OSTM1: variants seen among roughly 807,000 people sequenced by gnomAD.
OSTM1 encodes the protein osteoclastogenesis associated transmembrane protein 1.
Under a neutral mutation model 35.4 loss-of-function variants are expected in OSTM1, and 26 were observed. The observed-to-expected ratio is 0.73, with a 90% CI of 0.54 to 1.02. The LOEUF is 1.02. Among genes scored for constraint, OSTM1 ranks in the 50% least tolerant of loss-of-function variants. The pLI is 0.00. For missense variants in OSTM1, 366 were observed against 409.6 expected, an observed-to-expected ratio of 0.89 and a Z score of 0.92; for synonymous variants, 181 against 165.0, an observed-to-expected ratio of 1.10 and a Z score of -0.75.
At position 108,049,357 on chromosome 6, in the gene OSTM1, G is replaced by A; in HGVS notation, c.845C>T (p.Thr282Ile). The stretch of plus-strand genomic sequence containing the variant: ...CACAGAAACAGCAATTACAGGCACT[G>A]TGTCACTGCAAGGGACTGAACAGTT... ...TFNCSVPCSD[T>I]VPVIAVSVFI... The change falls in exon 5 of 6, where the codon ACA becomes ATA. Residue 282 changes from threonine (T) to isoleucine (I), a missense_variant. Physicochemically the swap from Thr to Ile is moderately conservative, Grantham distance 89. This residue lies in a region of OSTM1 where 125 missense variants were observed against 151.7 expected (regional missense o/e 0.82). Coordinates refer to ENST00000193322, the MANE Select transcript of OSTM1 (RefSeq NM_014028.4). The A allele has an allele frequency of 6.2e-7, 1 of 1,613,204 alleles. No homozygotes were observed. Among genetic ancestry groups the A allele is most frequent in the Non-Finnish European group, 8.5e-7 (1 of 1,179,174 alleles).
chr6:108,070,876 G>A (rs556458744), intron 1 of OSTM1, among the ~76,000 whole-genome samples: 1 of 137,884 alleles, frequency 7.3e-6, no homozygotes, highest in East Asian at 2.3e-4. Flanking sequence ...GGTAACAAGA[G>A]GGAAACTCCG....
At position 108,053,814 on chromosome 6, in the gene OSTM1, T is replaced by C. The variant is rs116503550; in HGVS notation, c.615+676A>G. 1.5e-3 allele frequency among the ~76,000 whole-genome samples: 225 copies of C among 152,326 alleles called. 1 individual carries two copies. Among genetic ancestry groups the C allele is most frequent in the African/African-American group, 5.2e-3 (216 of 41,564 alleles). On this transcript the variant is annotated intron_variant, in intron 3 of 5. Transcript: ENST00000193322. ...ATTCATAATTCAGTGTTACCACATT[T>C]ATTACAGAAGAAATCATACATGCTT... is the stretch of plus-strand genomic sequence containing the variant.
intron 2 of OSTM1, among the ~76,000 whole-genome samples, chr6:108,057,269 G>A (rs1196951306): frequency 1.3e-5 from 2 of 152,138 alleles, no homozygotes; most frequent in African/African-American, 4.8e-5. Flanking sequence ...TCATGAAGTA[G>A]CCCGCAATCC....
chr6:108,072,005 A>T (rs1772494181), intron 1 of OSTM1, among the ~76,000 whole-genome samples: 1 of 152,106 alleles, frequency 6.6e-6, no homozygotes, highest in South Asian at 2.1e-4. Flanking sequence ...TGCACCCTAG[A>T]GTTTGAGGTG....
At position 108,044,454 on chromosome 6, in the gene OSTM1, T is replaced by C. The variant is rs9320250; in HGVS notation, c.*331A>G. 0.4 allele frequency: 71,243 copies of C among 178,348 alleles called. 16,136 individuals carry two copies. Among genetic ancestry groups the C allele is most frequent in the African/African-American group, 0.6 (25,483 of 42,434 alleles). The allele number at this position is 178,348 out of a possible 1,614,324, so 11.0% of individuals were successfully genotyped here. A position where few individuals can be genotyped will look rare whatever the true frequency, so the allele number is the denominator to read the frequency against. ...TTCAAAAACTTTTCTACTTGAGATA[T>C]TTATGTTAGTAAGAAGATACCAGAA... On this transcript the variant is annotated 3_prime_UTR_variant, in exon 6 of 6. Transcript: ENST00000193322.
rs1197992270 is a variant in OSTM1 at position 108,074,544 on chromosome 6, G to A, written c.108C>T (p.Gly36=). ...SGLALGALPF[G]SSPHRVFHDL... ...CGTGGAAGACCCTGTGCGGACTGCTGCCGAAGGGGAGCGCGCCCAGGGCCA... is the reference window on the plus strand; with the variant it reads ...CGTGGAAGACCCTGTGCGGACTGCTACCGAAGGGGAGCGCGCCCAGGGCCA... The change falls in exon 1 of 6, where the codon GGC becomes GGT. Residue 36 remains glycine (G), a synonymous_variant. Coordinates refer to ENST00000193322, the MANE Select transcript of OSTM1 (RefSeq NM_014028.4). 3 of 1,556,760 alleles carry A rather than the reference G, an allele frequency of 1.9e-6. No homozygotes were observed. The highest frequency in any genetic ancestry group is 2.6e-6 in the Non-Finnish European group (3 of 1,152,256).
chr6:108,051,212 G>C lies in OSTM1; in HGVS notation c.616-14C>G. The C allele has an allele frequency of 6.3e-7, 1 of 1,583,826 alleles. No individual in the cohort carries two copies. Among genetic ancestry groups the C allele is most frequent in the Non-Finnish European group, 8.7e-7 (1 of 1,153,202 alleles). ...ATGTGCATTCCCCTAAAATGACAAA[G>C]GCACATGTAATATATACAATAAACA... On this transcript the variant is annotated splice_polypyrimidine_tract_variant and intron_variant, in intron 3 of 5. Coordinates refer to ENST00000193322, the MANE Select transcript of OSTM1 (RefSeq NM_014028.4).
chr6:108,050,075 C>T (rs576523503), intron 4 of OSTM1, among the ~76,000 whole-genome samples: 1 of 152,042 alleles, frequency 6.6e-6, no homozygotes, highest in South Asian at 2.1e-4. Flanking sequence ...TAAAGGCAGG[C>T]TATAAAATGG....
chr6:108,074,686 G>C lies in OSTM1; in HGVS notation c.-35C>G. ...CACACACCCCAGGGAGCCCACCGCC[G>C]CCTCTCCGCCCCCAGCCGGCACCGC... On this transcript the variant is annotated 5_prime_UTR_variant, in exon 1 of 6. Coordinates refer to ENST00000193322, the MANE Select transcript of OSTM1 (RefSeq NM_014028.4). 3 of 1,502,000 alleles carry C rather than the reference G, an allele frequency of 2.0e-6. No homozygotes were observed. The highest frequency in any genetic ancestry group is 2.7e-6 in the Non-Finnish European group (3 of 1,131,344). The allele number at this position is 1,502,000 out of a possible 1,614,324, so 93.0% of individuals were successfully genotyped here.
intron 1 of OSTM1, among the ~76,000 whole-genome samples, chr6:108,067,553 C>T (rs566602899): frequency 5.5e-4 from 81 of 146,832 alleles, no homozygotes; most frequent in Admixed American, 1.7e-3. Context: ...GAAAGTCAGC[C>T]TGGCACCGTG....
intron 2 of OSTM1, among the ~76,000 whole-genome samples, chr6:108,056,052 G>A (rs1045344029): frequency 3.3e-5 from 5 of 152,142 alleles, no homozygotes; most frequent in Non-Finnish European, 7.3e-5. Context: ...AAAGAGAGAC[G>A]GACTAGGTAG....
At chr6:108,044,903 AT>A in intron 5 of OSTM1, 63 bp from the exon 6 acceptor site, 1 of 823,218 alleles carries the variant, frequency 1.2e-6, no homozygotes. Context: ...ATTATTTACT[AT>A]TTTTATGTAA....
rs1771907046 is a variant in OSTM1 at position 108,043,439 on chromosome 6, A to G, written c.*1346T>C. 1 of 152,226 alleles carries G rather than the reference A, an allele frequency of 6.6e-6. No individual in the cohort carries two copies. The highest frequency in any genetic ancestry group is 2.1e-4 in the South Asian group (1 of 4,834). The allele number at this position is 152,226 out of a possible 1,614,324, so 9.4% of individuals were successfully genotyped here. ...GAAACACTTTGTCTCCCTATAGAGC[A>G]TTTTATAGTATAGGAAGGGATTCAA... is the stretch of plus-strand genomic sequence containing the variant. On this transcript the variant is annotated 3_prime_UTR_variant, in exon 6 of 6. Transcript: ENST00000193322.
intron 2 of OSTM1, among the ~76,000 whole-genome samples, chr6:108,059,570 T>C (rs998234814): frequency 3.3e-5 from 5 of 152,180 alleles, no homozygotes; most frequent in African/African-American, 1.2e-4. Flanking sequence ...AGAAAGATAG[T>C]TTTGGGCAGT....
At position 108,041,497 on chromosome 6, in the gene OSTM1, T is replaced by C. The variant is rs1434984824; in HGVS notation, c.*3288A>G. On this transcript the variant is annotated 3_prime_UTR_variant, in exon 6 of 6. Coordinates refer to ENST00000193322, the MANE Select transcript of OSTM1 (RefSeq NM_014028.4). ...TTACATGTATGACTAATATTTATTA[T>C]AGCTAATATAATAGTTTAGAACAAG... 6.6e-6 allele frequency: 1 copy of C among 152,220 alleles called. No individual in the cohort carries two copies. The highest frequency in any genetic ancestry group is 2.4e-5 in the African/African-American group (1 of 41,450). The allele number at this position is 152,220 out of a possible 1,614,324, so 9.4% of individuals were successfully genotyped here.
At chr6:108,062,535 C>CTTTTTT (rs780041339) in intron 2 of OSTM1, among the ~76,000 whole-genome samples, 234 of 130,844 alleles carry the variant, frequency 1.8e-3, no homozygotes, top group South Asian at 2.4e-3. Context: ...CTTTTCTTTT[C>CTTTTTT]TTTTTTTTTT....
chr6:108,048,015 T>G (rs1200141674), intron 5 of OSTM1, among the ~76,000 whole-genome samples: 1 of 152,202 alleles, frequency 6.6e-6, no homozygotes, highest in Non-Finnish European at 1.5e-5. Context: ...AGCTACTGCA[T>G]ATTTACAGAA....
chr6:108,072,800 C>G lies in OSTM1; in HGVS notation c.402+1450G>C, dbSNP rs151308665. Among the ~76,000 whole-genome samples the G allele has an allele frequency of 4.0e-3, 603 of 151,792 alleles. 6 individuals are homozygous for G. The highest frequency in any genetic ancestry group is 0.014 in the African/African-American group (578 of 41,378). On this transcript the variant is annotated intron_variant, in intron 1 of 5. Coordinates refer to ENST00000193322, the MANE Select transcript of OSTM1 (RefSeq NM_014028.4). ...TGAGATGGAGTCTCACTCTGTTGCC[C>G]AGGAAGGAGTGCAGTAGTGCAATCT...
chr6:108,064,464 T>A (rs1772343126), intron 1 of OSTM1, among the ~76,000 whole-genome samples, 165 bp from the exon 2 acceptor site: 1 of 152,096 alleles, frequency 6.6e-6, no homozygotes, highest in African/African-American at 2.4e-5. Context: ...ATAAAGTAAT[T>A]AGCAGCTAAC....
Sources: allele counts gnomAD v4.1 joint callset (sites outside exome capture counted in the v4.1 genomes callset), GRCh38; gene constraint gnomAD v4.1.1; regional missense constraint gnomAD v4.1.1; transcripts MANE v1.5; gene names NCBI Gene and HGNC (gene_info 2026-07-23, HGNC 2026-07-21).